The following LRP1B variants were observed in gnomAD, a reference collection of about 807,000 sequenced individuals.
LRP1B encodes the protein LDL receptor related protein 1B.
In LRP1B, 217 loss-of-function variants were observed where a neutral mutation model predicts 556.6. The observed-to-expected ratio is 0.39, with a 90% CI of 0.35 to 0.44. LRP1B has a LOEUF of 0.44. Ranked by LOEUF, LRP1B falls within the 20% of genes least tolerant of loss-of-function variation. LRP1B has a pLI of 1.00. For synonymous variants in LRP1B, 2,047 were observed against 1,865.8 expected (o/e 1.10, Z -2.50); for missense variants, 5,053 against 5,620.8 (o/e 0.90, Z 3.23).
At chr2:141,147,511 G>A (rs894801145) in intron 7 of LRP1B, among the ~76,000 whole-genome samples, 2 of 151,972 alleles carry the variant, frequency 1.3e-5, no homozygotes, top group African/African-American at 2.4e-5. Context: ...TTAACAGAGA[G>A]CATTTTTTTT....
At chr2:141,756,780 T>C (rs1044401789) in intron 2 of LRP1B, among the ~76,000 whole-genome samples, 1 of 152,110 alleles carries the variant, frequency 6.6e-6, no homozygotes, top group South Asian at 2.1e-4. Flanking sequence ...CTAGGAGCAA[T>C]AGGCTATACC....
intron 7 of LRP1B, among the ~76,000 whole-genome samples, chr2:141,185,698 A>AAAAC (rs1681219568): frequency 8.3e-6 from 1 of 120,314 alleles, no homozygotes; most frequent in East Asian, 2.3e-4. Flanking sequence ...AAAAAAAAAC[A>AAAAC]AAAAAAAAAA....
At chr2:141,557,990 T>C (rs1012673933) in intron 2 of LRP1B, among the ~76,000 whole-genome samples, 2 of 151,888 alleles carry the variant, frequency 1.3e-5, no homozygotes, top group Non-Finnish European at 2.9e-5. Context: ...TCTCTGCCCA[T>C]GGCCTGCAAC....
intron 3 of LRP1B, among the ~76,000 whole-genome samples, chr2:141,411,677 AAAC>A (rs1690857801): frequency 6.6e-6 from 1 of 152,156 alleles, no homozygotes; most frequent in Admixed American, 6.5e-5. Flanking sequence ...AATGCAGTTG[AAAC>A]AACAAATTCA....
chr2:140,715,999 T>A lies in LRP1B; in HGVS notation c.5997A>T (p.Arg1999Ser), dbSNP rs1687196647. The change falls in exon 37 of 91, where the codon AGA becomes AGT. Residue 1999 changes from arginine to serine, a missense_variant. Coordinates refer to ENST00000389484, the MANE Select transcript of LRP1B (RefSeq NM_018557.3). Reference sequence around the variant, plus strand: ...CTTTCTCTGGGTGCACAGCTATAGATCTTGGTTGATCCAGGCCTTGGGAAA... The same window carrying A: ...CTTTCTCTGGGTGCACAGCTATAGAACTTGGTTGATCCAGGCCTTGGGAAA... The part of the protein sequence containing the change: ...VIISQGLDQP[R>S]SIAVHPEKGL... 2 of 1,609,756 alleles carry A rather than the reference T, an allele frequency of 1.2e-6. No individual in the cohort carries two copies. Among genetic ancestry groups the A allele is most frequent in the Admixed American group, 3.3e-5 (2 of 59,706 alleles).
At chr2:142,103,708 C>G (rs922917278) in intron 1 of LRP1B, among the ~76,000 whole-genome samples, 1 of 151,640 alleles carries the variant, frequency 6.6e-6, no homozygotes, top group African/African-American at 2.4e-5. Flanking sequence ...AAAGATGACC[C>G]AATGATTTTT....
intron 41 of LRP1B, among the ~76,000 whole-genome samples, chr2:140,632,823 G>A (rs1023995542): frequency 2.7e-4 from 41 of 152,252 alleles, no homozygotes; most frequent in African/African-American, 7.9e-4. Context: ...AGCACTTTTG[G>A]GAGGCTGAGG....
At chr2:140,625,258 A>C (rs547663) in intron 41 of LRP1B, among the ~76,000 whole-genome samples, 76,314 of 151,924 alleles carry the variant, frequency 0.5, 19,688 homozygotes, top group African/African-American at 0.62. Flanking sequence ...ATAAATGATC[A>C]TAAATTGGAT....
chr2:141,981,771 T>A (rs953362253), intron 1 of LRP1B, among the ~76,000 whole-genome samples: 17 of 152,112 alleles, frequency 1.1e-4, no homozygotes, highest in African/African-American at 4.1e-4. Flanking sequence ...TGTGGCCATG[T>A]GAGTAGTCCT....
At chr2:140,550,438 G>A (rs1680506353) in intron 43 of LRP1B, among the ~76,000 whole-genome samples, 1 of 152,104 alleles carries the variant, frequency 6.6e-6, no homozygotes. Context: ...AACCTTTTTA[G>A]AGAGGAAAGG....
Position 140,701,777 on chromosome 2 carries a change from G to A in LRP1B, c.6371C>T (p.Thr2124Ile), listed in dbSNP as rs2105426094. Residue 2124 changes from threonine (T) to isoleucine (I), a missense_variant, in exon 40 of 91, where the codon ACC (threonine) becomes ATC (isoleucine). Thr to Ile is a moderately conservative substitution (Grantham distance 89, BLOSUM62 -1). This residue lies in a region of LRP1B where 3,619 missense variants were observed against 3,931.9 expected (regional missense o/e 0.92). Coordinates refer to ENST00000389484, the MANE Select transcript of LRP1B (RefSeq NM_018557.3). ...NDATETITMR[T>I]GLGVNLKEVK... Reference sequence around the variant, plus strand: ...CTCCTTCAGGTTGACTCCAAGGCCGGTTCTCATGGTTATCGTTTCTGTGGC... The same window carrying A: ...CTCCTTCAGGTTGACTCCAAGGCCGATTCTCATGGTTATCGTTTCTGTGGC... 1 of 1,613,102 alleles carries A rather than the reference G, an allele frequency of 6.2e-7. No homozygotes were observed. The highest frequency in any genetic ancestry group is 8.5e-7 in the Non-Finnish European group (1 of 1,179,390).
chr2:140,804,839 T>C (rs1049982767), intron 32 of LRP1B, among the ~76,000 whole-genome samples: 1 of 152,016 alleles, frequency 6.6e-6, no homozygotes, highest in Non-Finnish European at 1.5e-5. Context: ...TTCTCTGACA[T>C]GCAGATGGTG....
At chr2:141,623,842 C>T (rs1480716879) in intron 2 of LRP1B, among the ~76,000 whole-genome samples, 2 of 151,186 alleles carry the variant, frequency 1.3e-5, no homozygotes, top group Admixed American at 1.3e-4. Flanking sequence ...TGGTGAAACT[C>T]CGTCTCTGCT....
At chr2:140,793,944 A>T (rs1477611299) in intron 32 of LRP1B, among the ~76,000 whole-genome samples, 1 of 152,144 alleles carries the variant, frequency 6.6e-6, no homozygotes, top group Non-Finnish European at 1.5e-5. Context: ...AAATAAACAA[A>T]AACATACCTG....
At chr2:140,713,590 G>A (rs1687112578) in intron 37 of LRP1B, among the ~76,000 whole-genome samples, 1 of 151,966 alleles carries the variant, frequency 6.6e-6, no homozygotes, top group African/African-American at 2.4e-5. Context: ...TCCAGGACTG[G>A]TTTGGAGTTC....
At chr2:141,597,861 TTTCAA>T (rs556502303) in intron 2 of LRP1B, among the ~76,000 whole-genome samples, 33 of 152,168 alleles carry the variant, frequency 2.2e-4, no homozygotes, top group African/African-American at 7.5e-4. Flanking sequence ...TTGTGGCTTT[TTTCAA>T]TTCAATTTTT....
chr2:140,838,701 T>TA (rs201949670), intron 31 of LRP1B, among the ~76,000 whole-genome samples: 1,679 of 152,270 alleles, frequency 0.011, 32 homozygotes, highest in African/African-American at 0.037. Context: ...TTTTCTATTG[T>TA]ATATCCCATC....
At chr2:141,660,721 G>A (rs976587897) in intron 2 of LRP1B, among the ~76,000 whole-genome samples, 3 of 152,126 alleles carry the variant, frequency 2.0e-5, no homozygotes, top group Non-Finnish European at 2.9e-5. Flanking sequence ...TGGTCTCCAC[G>A]GATCAGCAGA....
chr2:140,664,959 C>CA (rs756816489), intron 41 of LRP1B, among the ~76,000 whole-genome samples: 24 of 151,806 alleles, frequency 1.6e-4, no homozygotes, highest in Non-Finnish European at 2.9e-5. Context: ...AGAGAAAAGG[C>CA]AAACTTTAAA....
Sources: gnomAD v4.1 joint callset for allele counts (sites outside exome capture counted in the v4.1 genomes callset) on GRCh38, gnomAD v4.1.1 for gene constraint, gnomAD v4.1.1 regional missense constraint, MANE v1.5 for transcripts, NCBI Gene and HGNC (gene_info 2026-07-23, HGNC 2026-07-21) for gene names.